ADAMTSL3: variants seen among roughly 807,000 people sequenced by gnomAD.
ADAMTSL3 encodes ADAMTS like 3, also known as ADAMTS-like protein 3.
ADAMTSL3 carries 128 observed loss-of-function variants against 201.7 expected under a neutral mutation model. That is an observed-to-expected ratio of 0.63 (90% confidence interval 0.55 to 0.73). The LOEUF (loss-of-function observed/expected upper bound fraction) is 0.73, where lower values mean the gene tolerates loss of function less well. Among genes scored for constraint, ADAMTSL3 ranks in the 30% least tolerant of loss-of-function variants. The pLI is 0.00. For missense variants in ADAMTSL3, 1,990 were observed against 2,119.6 expected (o/e 0.94, Z 1.20); for synonymous variants, 738 against 748.4 (o/e 0.99, Z 0.23).
intron 5 of ADAMTSL3, among the ~76,000 whole-genome samples, chr15:83,805,935 C>T (rs1050285947): frequency 1.1e-4 from 16 of 152,288 alleles, no homozygotes; most frequent in African/African-American, 1.9e-4. Flanking sequence ...TACAGGAGAA[C>T]GCGGCAGTCC....
intron 5 of ADAMTSL3, among the ~76,000 whole-genome samples, chr15:83,819,095 C>A (rs930737113): frequency 5.3e-5 from 8 of 152,016 alleles, no homozygotes; most frequent in Non-Finnish European, 1.2e-4. Context: ...CGTGGTGAAA[C>A]CCCGTCTCTA....
intron 6 of ADAMTSL3, among the ~76,000 whole-genome samples, chr15:83,825,156 T>G (rs1365297039): frequency 6.6e-6 from 1 of 152,092 alleles, no homozygotes; most frequent in Non-Finnish European, 1.5e-5. Context: ...AATTCTTCCA[T>G]TTTATAAACC....
intron 3 of ADAMTSL3, among the ~76,000 whole-genome samples, chr15:83,733,213 A>G (rs999196792): frequency 1.3e-5 from 2 of 152,190 alleles, no homozygotes; most frequent in South Asian, 2.1e-4. Flanking sequence ...AACACCTACT[A>G]TACACCAACC....
intron 20 of ADAMTSL3, among the ~76,000 whole-genome samples, chr15:83,972,228 G>A (rs1180325208): frequency 2.6e-5 from 4 of 152,024 alleles, no homozygotes; most frequent in East Asian, 1.9e-4. Flanking sequence ...TTTAGCCCAC[G>A]TTTTTAGCTG....
At chr15:83,857,109 A>G (rs1210836413) in intron 7 of ADAMTSL3, among the ~76,000 whole-genome samples, 2 of 151,976 alleles carry the variant, frequency 1.3e-5, no homozygotes, top group Admixed American at 1.3e-4. Flanking sequence ...CTTATTGGCC[A>G]TTTGTATAGC....
chr15:83,839,986 G>T (rs2064344096), intron 7 of ADAMTSL3, among the ~76,000 whole-genome samples: 1 of 152,166 alleles, frequency 6.6e-6, no homozygotes, highest in South Asian at 2.1e-4. Context: ...GGGTTTATCT[G>T]AAACATGCTA....
intron 8 of ADAMTSL3, among the ~76,000 whole-genome samples, chr15:83,859,791 C>T (rs900517962): frequency 6.6e-6 from 1 of 152,132 alleles, no homozygotes. Context: ...TTCTCATACC[C>T]CAATGGGAAA....
chr15:83,756,056 T>C (rs1214367831), intron 3 of ADAMTSL3, among the ~76,000 whole-genome samples: 4 of 152,234 alleles, frequency 2.6e-5, no homozygotes, highest in Admixed American at 2.6e-4. Context: ...CCACTGCATC[T>C]GGCCCCCTGC....
chr15:83,823,892 CCTCTT>C (rs2063938701), intron 6 of ADAMTSL3, among the ~76,000 whole-genome samples: 1 of 88,082 alleles, frequency 1.1e-5, no homozygotes, highest in African/African-American at 5.8e-5. Flanking sequence ...TCTTCTTCTT[CCTCTT>C]CTTCTTCTTC....
In ADAMTSL3 at chr15:83,983,153, A is replaced by G. The variant is rs1265878017; in HGVS notation, c.3525A>G (p.Lys1175=). 1.9e-6 allele frequency: 3 copies of G among 1,613,774 alleles called. No homozygotes were observed. Among genetic ancestry groups the G allele is most frequent in the African/African-American group, 2.7e-5 (2 of 74,908 alleles). The change falls in exon 21 of 30, where the codon AAA becomes AAG. Residue 1175 remains lysine, a synonymous_variant. Transcript: ENST00000286744. ...CAGGCAAGCTGACATTCAAGCCGAA[A>G]GGACCTGTTCTCATGAGGCAAAGCC... The part of the protein sequence containing the change: ...KNSGKLTFKP[K]GPVLMRQSQP...
chr15:83,974,677 T>G (rs2067251942), intron 20 of ADAMTSL3, among the ~76,000 whole-genome samples: 1 of 152,246 alleles, frequency 6.6e-6, no homozygotes, highest in African/African-American at 2.4e-5. Context: ...TGGTTCATTC[T>G]CAAAGTGCTG....
intron 15 of ADAMTSL3, among the ~76,000 whole-genome samples, chr15:83,910,917 G>A (rs975114146): frequency 5.9e-5 from 9 of 152,056 alleles, no homozygotes; most frequent in South Asian, 4.1e-4. Context: ...TGGGATTACC[G>A]GCGTGAGCCA....
intron 7 of ADAMTSL3, among the ~76,000 whole-genome samples, chr15:83,838,969 T>C (rs1017093766): frequency 1.3e-5 from 2 of 152,232 alleles, no homozygotes; most frequent in Admixed American, 1.3e-4. Flanking sequence ...TCAGCATGGC[T>C]ACATTCCAAT....
chr15:83,963,165 C>T (rs1388362109), intron 19 of ADAMTSL3, among the ~76,000 whole-genome samples: 1 of 152,166 alleles, frequency 6.6e-6, no homozygotes, highest in Non-Finnish European at 1.5e-5. Context: ...ACCAGTGAGA[C>T]AGAACCGTTC....
In ADAMTSL3 at chr15:83,920,183, C is replaced by T. The variant is rs1006897393; in HGVS notation, c.1988-3721C>T. 6.6e-5 allele frequency among the ~76,000 whole-genome samples: 10 copies of T among 152,282 alleles called. No homozygotes were observed. The South Asian group carries it at 1.0e-3, about 16-fold the overall frequency. ...AACGTGGGAACAAAGATTGCATTGGCCCACTATGGGCTCATTTGAGCATAC... is the reference window on the plus strand; with the variant it reads ...AACGTGGGAACAAAGATTGCATTGGTCCACTATGGGCTCATTTGAGCATAC... On this transcript the variant is annotated intron_variant, in intron 16 of 29. Transcript: ENST00000286744.
intron 4 of ADAMTSL3, among the ~76,000 whole-genome samples, chr15:83,793,253 T>G (rs934474807): frequency 1.3e-5 from 2 of 152,172 alleles, no homozygotes; most frequent in African/African-American, 4.8e-5. Flanking sequence ...AGGAATAAGT[T>G]TAACAGAACT....
chr15:84,019,814 C>A (rs1400362147), intron 25 of ADAMTSL3, among the ~76,000 whole-genome samples: 1 of 150,590 alleles, frequency 6.6e-6, no homozygotes, highest in Non-Finnish European at 1.5e-5. Context: ...ATCGCTTGAA[C>A]CTGGGGAGGC....
chr15:83,904,141 C>A (rs570526459), intron 15 of ADAMTSL3, among the ~76,000 whole-genome samples: 14 of 151,836 alleles, frequency 9.2e-5, no homozygotes, highest in African/African-American at 3.4e-4. Flanking sequence ...GAAGACTGAG[C>A]AGACAGCACC....
At chr15:83,707,785 C>T (rs973561372) in intron 3 of ADAMTSL3, among the ~76,000 whole-genome samples, 1 of 152,186 alleles carries the variant, frequency 6.6e-6, no homozygotes, top group Non-Finnish European at 1.5e-5. Flanking sequence ...CTGGATCCAA[C>T]ATAATATAGG....
Sources: gnomAD v4.1 joint callset for allele counts (sites outside exome capture counted in the v4.1 genomes callset) on GRCh38, gnomAD v4.1.1 for gene constraint, MANE v1.5 for transcripts, NCBI Gene and HGNC (gene_info 2026-07-23, HGNC 2026-07-21) for gene names.